MAP7: variants seen among roughly 807,000 people sequenced by gnomAD.
MAP7 encodes microtubule associated protein 7.
A neutral mutation model predicts 94.8 loss-of-function variants in MAP7; 52 were observed. That is an observed-to-expected ratio of 0.55 (90% confidence interval 0.44 to 0.69). The LOEUF is 0.69. Among genes scored for constraint, MAP7 ranks in the 30% least tolerant of loss-of-function variants. MAP7 has a pLI of 0.00. For missense variants in MAP7, 940 were observed against 964.6 expected (o/e 0.97, Z 0.34); for synonymous variants, 350 against 357.0 (o/e 0.98, Z 0.22).
In MAP7 at chr6:136,388,426, A is replaced by C; in HGVS notation, c.493T>G (p.Ser165Ala). ...TGGATGCTAGGGCTCCCATGGAGAG[A>C]GCCTCCCCACGACCAACGGTTATGC... ...QKHNRWSWGG[S>A]LHGSPSIHSA... The change falls in exon 5 of 18, where the codon TCT becomes GCT. Residue 165 changes from serine to alanine, a missense_variant. Transcript: ENST00000354570. The C allele has an allele frequency of 6.2e-7, 1 of 1,614,070 alleles. No homozygotes were observed. Among genetic ancestry groups the C allele is most frequent in the Non-Finnish European group, 8.5e-7 (1 of 1,179,944 alleles).
intron 1 of MAP7, among the ~76,000 whole-genome samples, chr6:136,533,830 C>A (rs1266941445): frequency 1.3e-5 from 2 of 152,218 alleles, no homozygotes; most frequent in African/African-American, 4.8e-5. Flanking sequence ...AAGATCGGCT[C>A]CCATGGCCCA....
chr6:136,411,806 T>G lies in MAP7; in HGVS notation c.167-109A>C, dbSNP rs906513341. 5 of 837,366 alleles carry G rather than the reference T, an allele frequency of 6.0e-6. No homozygotes were observed. The African/African-American group carries it at 6.9e-5, about 12-fold the overall frequency. 51.9% of individuals were successfully genotyped at this position (837,366 alleles called of 1,614,324 possible). ...CCAGTAAATCTGAAGAATAATATATTGCTGCACTTTACAACAATAAGTACA... is the reference window on the plus strand; with the variant it reads ...CCAGTAAATCTGAAGAATAATATATGGCTGCACTTTACAACAATAAGTACA... On this transcript the variant is annotated intron_variant, in intron 2 of 17. Coordinates refer to ENST00000354570, the MANE Select transcript of MAP7 (RefSeq NM_003980.6).
intron 1 of MAP7, among the ~76,000 whole-genome samples, chr6:136,472,318 GTTAGAAATTAAAATA>G (rs765320464): frequency 8.5e-5 from 13 of 152,092 alleles, no homozygotes; most frequent in Non-Finnish European, 1.8e-4. Context: ...CCTATGTTAG[GTTAGAAATTAAAATA>G]AGGAACTTGA....
At chr6:136,487,861 C>T (rs1333607641) in intron 1 of MAP7, among the ~76,000 whole-genome samples, 1 of 152,182 alleles carries the variant, frequency 6.6e-6, no homozygotes, top group African/African-American at 2.4e-5. Context: ...ACAAAAGATG[C>T]TTGAAGTTGG....
chr6:136,476,459 C>G (rs1810947566), intron 1 of MAP7, among the ~76,000 whole-genome samples: 1 of 152,140 alleles, frequency 6.6e-6, no homozygotes, highest in Admixed American at 6.5e-5. Context: ...GGTGCTTTCT[C>G]TGAAAACTTT....
chr6:136,435,297 G>T (rs1297983055), intron 1 of MAP7, among the ~76,000 whole-genome samples: 1 of 152,282 alleles, frequency 6.6e-6, no homozygotes, highest in Admixed American at 6.5e-5. Flanking sequence ...GTCCCAGGGG[G>T]CAAAGGGCTG....
rs3799446 is a variant in MAP7, at chr6:136,502,743, T to C, written c.67+47599A>G. Among the ~76,000 whole-genome samples, 7 of 152,368 alleles carry C rather than the reference T, an allele frequency of 4.6e-5. No individual in the cohort carries two copies. The East Asian group carries it at 9.6e-4, about 21-fold the overall frequency. ...AATAATAATTACACTTAGTTTGATA[T>C]GCTTACTCTAAGCAGAGCTCTCCTC... On this transcript the variant is annotated intron_variant, in intron 1 of 17. Transcript: ENST00000354570.
chr6:136,404,793 C>T (rs911807248), intron 3 of MAP7, among the ~76,000 whole-genome samples: 3 of 152,186 alleles, frequency 2.0e-5, no homozygotes, highest in Admixed American at 1.3e-4. Context: ...AAAAGGGAAG[C>T]TCTGTGTCTG....
chr6:136,402,905 CAAAAAAAAAAAAAAAAAAAAAAAA>C lies in MAP7; in HGVS notation c.244+8691_244+8714del, dbSNP rs57114676. Reference sequence around the variant, plus strand: ...TGGGCGAAAGAGCAAGACTCTGTCTCAAAAAAAAAAAAAAAAAAAAAAAAAAAAAAAAAAAAGAAAGAAAAAGAA... The same window carrying C: ...TGGGCGAAAGAGCAAGACTCTGTCTCAAAAAAAAAAAAGAAAGAAAAAGAA... On this transcript the variant is annotated intron_variant, in intron 3 of 17. Transcript: ENST00000354570. 5.9e-3 allele frequency among the ~76,000 whole-genome samples: 397 copies of C among 67,412 alleles called. 5 individuals are homozygous for C. The highest frequency in any genetic ancestry group is 0.021 in the African/African-American group (335 of 16,086). The allele number at this position is 67,412 out of a possible 152,430, so 44.2% of individuals were successfully genotyped here.
intron 1 of MAP7, among the ~76,000 whole-genome samples, chr6:136,487,627 T>C (rs1432838698): frequency 6.6e-6 from 1 of 151,956 alleles, no homozygotes; most frequent in East Asian, 1.9e-4. Context: ...GAGGATTGCT[T>C]AAGCCCAGGA....
At chr6:136,388,675 G>A (rs1050037256) in intron 4 of MAP7, 165 bp from the exon 5 acceptor site, 2 of 583,354 alleles carry the variant, frequency 3.4e-6, no homozygotes, top group Non-Finnish European at 3.0e-6. Flanking sequence ...GTCAATCTGG[G>A]AGGGTCACTT....
chr6:136,505,717 C>G (rs1583091340), intron 1 of MAP7, among the ~76,000 whole-genome samples: 1 of 151,944 alleles, frequency 6.6e-6, no homozygotes, highest in South Asian at 2.1e-4. Context: ...CTGTACAACA[C>G]CCGTGACACA....
At position 136,357,220 on chromosome 6, in the gene MAP7, T is replaced by C. The variant is rs545465018; in HGVS notation, c.1913-426A>G. On this transcript the variant is annotated intron_variant, in intron 15 of 17. Coordinates refer to ENST00000354570, the MANE Select transcript of MAP7 (RefSeq NM_003980.6). Reference sequence around the variant, plus strand: ...GGAACACCATAAGTATTAAAAATATTTTTGAAAACTCAGTTTAGTCCTATG... The same window carrying C: ...GGAACACCATAAGTATTAAAAATATCTTTGAAAACTCAGTTTAGTCCTATG... Among the ~76,000 whole-genome samples the C allele has an allele frequency of 2.6e-5, 4 of 152,268 alleles. No homozygotes were observed. In the South Asian group the frequency reaches 8.3e-4, roughly 32 times the overall value.
intron 8 of MAP7, among the ~76,000 whole-genome samples, chr6:136,366,850 AC>A (rs3837021): frequency 0.74 from 112,721 of 151,726 alleles, 42,887 homozygotes; most frequent in Middle Eastern, 0.85. Flanking sequence ...TAATTCTTCA[AC>A]ATTTTCCCCC....
chr6:136,384,349 G>A (rs866817515), intron 5 of MAP7, among the ~76,000 whole-genome samples: 1 of 152,132 alleles, frequency 6.6e-6, no homozygotes, highest in East Asian at 1.9e-4. Flanking sequence ...AGTGTGGAAA[G>A]GATTTTTAAG....
chr6:136,404,356 C>T (rs1784996011), intron 3 of MAP7, among the ~76,000 whole-genome samples: 1 of 149,298 alleles, frequency 6.7e-6, no homozygotes, highest in African/African-American at 2.5e-5. Flanking sequence ...AGCAAGAAAG[C>T]TATGATTAGA....
chr6:136,475,549 T>C (rs1470547336), intron 1 of MAP7, among the ~76,000 whole-genome samples: 1 of 152,244 alleles, frequency 6.6e-6, no homozygotes, highest in African/African-American at 2.4e-5. Flanking sequence ...TCTTGATGTG[T>C]TGTTGATCTT....
At chr6:136,525,537 T>C (rs1290067919) in intron 1 of MAP7, among the ~76,000 whole-genome samples, 4 of 152,092 alleles carry the variant, frequency 2.6e-5, no homozygotes, top group Non-Finnish European at 4.4e-5. Context: ...GAGGACAGAG[T>C]GACTGGTCAC....
chr6:136,385,659 A>T (rs1779000997), intron 5 of MAP7, among the ~76,000 whole-genome samples: 1 of 152,238 alleles, frequency 6.6e-6, no homozygotes, highest in Non-Finnish European at 1.5e-5. Flanking sequence ...AATTGTTAAA[A>T]TTATGGAGGC....
Sources: allele counts gnomAD v4.1 joint callset (sites outside exome capture counted in the v4.1 genomes callset), GRCh38; gene constraint gnomAD v4.1.1; transcripts MANE v1.5; gene names NCBI Gene and HGNC (gene_info 2026-07-23, HGNC 2026-07-21).